The following GUCY1A2 variants were observed in gnomAD, a reference collection of about 807,000 sequenced individuals.
GUCY1A2 encodes the protein guanylate cyclase soluble subunit alpha-2.
Under a neutral mutation model 63.5 loss-of-function variants are expected in GUCY1A2, and 27 were observed. That is an observed-to-expected ratio of 0.43 (90% CI 0.31 to 0.59). The LOEUF (loss-of-function observed/expected upper bound fraction) is 0.59, where lower values mean the gene tolerates loss of function less well. Ranked by LOEUF, GUCY1A2 falls within the 20% of genes least tolerant of loss-of-function variation. The pLI, the probability that GUCY1A2 is intolerant of heterozygous loss-of-function variation, is 0.11. For synonymous variants in GUCY1A2, 364 were observed against 343.5 expected (o/e 1.06, Z -0.66); for missense variants, 768 against 913.3 (o/e 0.84, Z 2.05).
chr11:106,786,885 A>C (rs1864564837), intron 5 of GUCY1A2, among the ~76,000 whole-genome samples: 1 of 152,192 alleles, frequency 6.6e-6, no homozygotes, highest in South Asian at 2.1e-4. Context: ...CTCACTCTTT[A>C]GAAAATAATA....
intron 4 of GUCY1A2, among the ~76,000 whole-genome samples, chr11:106,865,259 T>C (rs1565314042): frequency 6.6e-6 from 1 of 152,126 alleles, no homozygotes; most frequent in Non-Finnish European, 1.5e-5. Flanking sequence ...TTATCATTTT[T>C]TATTGTGTCC....
chr11:106,728,527 G>C (rs1196395974), intron 6 of GUCY1A2, among the ~76,000 whole-genome samples: 1 of 152,156 alleles, frequency 6.6e-6, no homozygotes, highest in Admixed American at 6.5e-5. Flanking sequence ...CTAAGAATGA[G>C]ACAGAACACA....
At chr11:106,746,549 A>T (rs776978218) in intron 6 of GUCY1A2, 3 of 1,551,156 alleles carry the variant, frequency 1.9e-6, no homozygotes, top group Non-Finnish European at 2.6e-6. Flanking sequence ...GAAGCTCATT[A>T]CCTTTTCAGT....
chr11:106,898,110 G>A (rs1399668200), intron 4 of GUCY1A2, among the ~76,000 whole-genome samples: 1 of 152,118 alleles, frequency 6.6e-6, no homozygotes, highest in Non-Finnish European at 1.5e-5. Context: ...CACATCATAT[G>A]GCATCAGGGA....
chr11:106,878,389 A>G (rs141861892), intron 4 of GUCY1A2, among the ~76,000 whole-genome samples: 22 of 152,230 alleles, frequency 1.4e-4, no homozygotes, highest in African/African-American at 5.3e-4. Flanking sequence ...ATGCCCATCA[A>G]TGGTAGACTG....
chr11:106,831,267 A>G (rs191641024), intron 4 of GUCY1A2, among the ~76,000 whole-genome samples: 1 of 152,330 alleles, frequency 6.6e-6, no homozygotes, highest in East Asian at 1.9e-4. Flanking sequence ...ACAGATAATC[A>G]GAATTTGTCT....
intron 4 of GUCY1A2, among the ~76,000 whole-genome samples, chr11:106,933,739 T>C (rs535279007): frequency 2.0e-5 from 3 of 152,128 alleles, no homozygotes; most frequent in Non-Finnish European, 2.9e-5. Flanking sequence ...GTAGTACATA[T>C]ATATCATGGA....
intron 4 of GUCY1A2, among the ~76,000 whole-genome samples, chr11:106,816,975 AT>A (rs1295072501): frequency 1.3e-5 from 2 of 152,208 alleles, no homozygotes; most frequent in African/African-American, 4.8e-5. Context: ...TGAAAAAAAA[AT>A]CTTCAGGCCA....
chr11:106,901,088 A>G (rs1403034454), intron 4 of GUCY1A2, among the ~76,000 whole-genome samples: 1 of 152,098 alleles, frequency 6.6e-6, no homozygotes, highest in South Asian at 2.1e-4. Flanking sequence ...ATTGGAGTCA[A>G]TCCTCTCAAA....
intron 4 of GUCY1A2, among the ~76,000 whole-genome samples, chr11:106,886,662 TAAAAC>T (rs1206270626): frequency 1.3e-5 from 2 of 151,958 alleles, no homozygotes; most frequent in Admixed American, 6.6e-5. Context: ...TAATTTGAAA[TAAAAC>T]AAAAACAAAA....
chr11:106,855,900 TA>T (rs60126939), intron 4 of GUCY1A2, among the ~76,000 whole-genome samples: 14,008 of 90,052 alleles, frequency 0.16, 792 homozygotes, highest in Middle Eastern at 0.25. Context: ...GTATTTTATT[TA>T]TTTATTTATT....
intron 3 of GUCY1A2, among the ~76,000 whole-genome samples, chr11:106,949,819 C>T (rs889613156): frequency 2.6e-5 from 4 of 152,130 alleles, no homozygotes; most frequent in Non-Finnish European, 2.9e-5. Context: ...TTTAGAGAAA[C>T]TAAATGAAGA....
Position 106,944,215 on chromosome 11 carries a change from C to CAAAAAAAA in GUCY1A2, c.488-4045_488-4038dup, listed in dbSNP as rs71041701. Among the ~76,000 whole-genome samples, 185 of 21,478 alleles carry CAAAAAAAA rather than the reference C, an allele frequency of 8.6e-3. 10 individuals carry two copies. The highest frequency in any genetic ancestry group is 0.014 in the African/African-American group (58 of 4,280). 14.1% of individuals were successfully genotyped at this position (21,478 alleles called of 152,430 possible). ...GGGCAACAGAGTGAGACCCTGTCTC[C>CAAAAAAAA]AAAAAAAAAAAAAAAAAAAAAGCAG... On this transcript the variant is annotated intron_variant, in intron 3 of 7. Transcript: ENST00000526355.
chr11:106,962,826 A>G (rs1861076816), intron 3 of GUCY1A2, among the ~76,000 whole-genome samples: 1 of 150,498 alleles, frequency 6.6e-6, no homozygotes, highest in Admixed American at 6.7e-5. Context: ...ATCTGAAATG[A>G]ACACCATTTT....
intron 2 of GUCY1A2, 39 bp from the exon 3 acceptor site, chr11:106,978,779 G>C (rs1861296336): frequency 1.3e-6 from 2 of 1,541,806 alleles, no homozygotes; most frequent in Admixed American, 1.9e-5. Context: ...AGAAATTTTT[G>C]AAAGCATCTG....
intron 6 of GUCY1A2, among the ~76,000 whole-genome samples, chr11:106,725,674 C>A (rs1217607673): frequency 1.3e-5 from 2 of 152,056 alleles, no homozygotes; most frequent in African/African-American, 4.8e-5. Context: ...CTTTTTATCA[C>A]AATATTAATA....
chr11:106,987,697 C>G (rs1157029682), intron 1 of GUCY1A2, among the ~76,000 whole-genome samples: 1 of 151,284 alleles, frequency 6.6e-6, no homozygotes, highest in African/African-American at 2.4e-5. Flanking sequence ...TCAAATCTCA[C>G]TTAGACCCAC....
intron 4 of GUCY1A2, among the ~76,000 whole-genome samples, chr11:106,928,185 C>T (rs764325763): frequency 2.0e-5 from 3 of 152,122 alleles, no homozygotes; most frequent in Non-Finnish European, 4.4e-5. Context: ...AAGAGATTCC[C>T]TCACACCTCT....
chr11:106,911,820 T>C (rs1405677460), intron 4 of GUCY1A2, among the ~76,000 whole-genome samples: 1 of 152,092 alleles, frequency 6.6e-6, no homozygotes, highest in South Asian at 2.1e-4. Flanking sequence ...CTTGAGAATT[T>C]AGAAGTTTCT....
Sources: gnomAD v4.1 joint callset for allele counts (sites outside exome capture counted in the v4.1 genomes callset) on GRCh38, gnomAD v4.1.1 for gene constraint, MANE v1.5 for transcripts, NCBI Gene and HGNC (gene_info 2026-07-23, HGNC 2026-07-21) for gene names.